Variants in KIF16B observed in about 807,000 individuals in gnomAD.
KIF16B encodes the protein kinesin-like protein KIF16B.
In KIF16B, 98 loss-of-function variants were observed where a neutral mutation model predicts 156.3. The observed-to-expected ratio is 0.63, with a 90% confidence interval of 0.53 to 0.74. The LOEUF is 0.74. KIF16B is among the 30% of genes least tolerant of loss of function. The pLI is 0.00. For missense variants in KIF16B, 1,421 were observed against 1,606.5 expected (o/e 0.88, Z 1.97); for synonymous variants, 564 against 583.7 (o/e 0.97, Z 0.49).
At chr20:16,455,804 T>C (rs955955888) in intron 12 of KIF16B, among the ~76,000 whole-genome samples, 8 of 152,192 alleles carry the variant, frequency 5.3e-5, no homozygotes, top group African/African-American at 1.9e-4. Flanking sequence ...AACAAACCAC[T>C]GACCCTAAAT....
intron 4 of KIF16B, 25 bp from the exon 5 acceptor site, chr20:16,512,948 A>G: frequency 6.6e-7 from 1 of 1,507,862 alleles, no homozygotes; most frequent in Non-Finnish European, 9.2e-7. Context: ...CCAATGTCAC[A>G]GCTGTCACTC....
At chr20:16,491,223 G>GT (rs2068279971) in intron 12 of KIF16B, among the ~76,000 whole-genome samples, 1 of 152,138 alleles carries the variant, frequency 6.6e-6, no homozygotes, top group Non-Finnish European at 1.5e-5. Context: ...CAAAGCCCCG[G>GT]TGCACACACC....
chr20:16,389,206 C>T (rs1346434330), intron 17 of KIF16B, among the ~76,000 whole-genome samples: 1 of 152,162 alleles, frequency 6.6e-6, no homozygotes, highest in African/African-American at 2.4e-5. Flanking sequence ...GGGATTACTT[C>T]ATGGGCATGT....
chr20:16,450,502 A>T (rs1331564507), intron 12 of KIF16B, among the ~76,000 whole-genome samples: 2 of 152,210 alleles, frequency 1.3e-5, no homozygotes, highest in African/African-American at 4.8e-5. Context: ...GAGAACCCTG[A>T]GCACATTCAC....
At chr20:16,329,542 G>A (rs551977320) in intron 24 of KIF16B, among the ~76,000 whole-genome samples, 2 of 152,292 alleles carry the variant, frequency 1.3e-5, no homozygotes, top group South Asian at 4.1e-4. Flanking sequence ...ATACTTCATA[G>A]TTGCTTTCAA....
chr20:16,322,851 C>T (rs944231833), intron 24 of KIF16B, among the ~76,000 whole-genome samples: 1 of 151,978 alleles, frequency 6.6e-6, no homozygotes, highest in African/African-American at 2.4e-5. Flanking sequence ...TTTAGTTGAG[C>T]CAGACCCTGT....
chr20:16,556,848 T>C (rs1377933693), intron 1 of KIF16B, among the ~76,000 whole-genome samples: 1 of 152,152 alleles, frequency 6.6e-6, no homozygotes, highest in East Asian at 1.9e-4. Flanking sequence ...CTGTTATCTG[T>C]GGTTAGCTAC....
At chr20:16,520,128 T>C (rs1410182342) in intron 3 of KIF16B, among the ~76,000 whole-genome samples, 3 of 88,144 alleles carry the variant, frequency 3.4e-5, no homozygotes, top group Admixed American at 1.2e-4. Flanking sequence ...CTGCAGGAGT[T>C]TTTTTTTTTT....
chr20:16,488,305 G>A (rs1053991078), intron 12 of KIF16B, among the ~76,000 whole-genome samples: 6 of 152,350 alleles, frequency 3.9e-5, no homozygotes, highest in Non-Finnish European at 5.9e-5. Flanking sequence ...ATCTGTCAAA[G>A]GGCTGCCAGC....
rs768416598 is a variant in KIF16B at position 16,367,528 on chromosome 20, G to A, written c.3498+3058C>T. On this transcript the variant is annotated intron_variant, in intron 22 of 25. Coordinates refer to ENST00000354981, the MANE Select transcript of KIF16B (RefSeq NM_024704.5). ...AATGTGGGTGTTCAGAAGGACTAGC[G>A]ACTGGCACTGGTCATGGCCAGAGTC... is the stretch of plus-strand genomic sequence containing the variant. 1.4e-5 allele frequency: 23 copies of A among 1,612,870 alleles called. No individual in the cohort carries two copies. The highest frequency in any genetic ancestry group is 1.3e-4 in the East Asian group (6 of 44,876).
intron 15 of KIF16B, among the ~76,000 whole-genome samples, chr20:16,411,061 T>C (rs1376845826): frequency 6.6e-6 from 1 of 152,006 alleles, no homozygotes; most frequent in African/African-American, 2.4e-5. Flanking sequence ...TGCTGCTTCA[T>C]AGTAAGCAGA....
Position 16,573,412 on chromosome 20 carries a change from G to A in KIF16B, c.-137C>T. 1.0e-6 allele frequency: 1 copy of A among 966,508 alleles called. No individual in the cohort carries two copies. The highest frequency in any genetic ancestry group is 1.5e-6 in the Non-Finnish European group (1 of 649,872). 59.9% of individuals were successfully genotyped at this position (966,508 alleles called of 1,614,324 possible). ...CCCTCTGCTCCCGGCCGGACCTGGA[G>A]TTCCGCGGCAGCCCCACCTGCCAGG... On this transcript the variant is annotated 5_prime_UTR_variant, in exon 1 of 26. Coordinates refer to ENST00000354981, the MANE Select transcript of KIF16B (RefSeq NM_024704.5).
At chr20:16,469,482 A>G (rs115755285) in intron 12 of KIF16B, among the ~76,000 whole-genome samples, 3,351 of 152,032 alleles carry the variant, frequency 0.022, 121 homozygotes, top group African/African-American at 0.076. Context: ...ATAATGCAGT[A>G]AACACATCAA....
intron 24 of KIF16B, among the ~76,000 whole-genome samples, chr20:16,318,364 C>T (rs935440455): frequency 1.3e-5 from 2 of 152,064 alleles, no homozygotes; most frequent in East Asian, 1.9e-4. Context: ...CTAAATAGAG[C>T]CCAAAGAAGT....
At chr20:16,487,854 C>A (rs2068168224) in intron 12 of KIF16B, among the ~76,000 whole-genome samples, 1 of 152,218 alleles carries the variant, frequency 6.6e-6, no homozygotes, top group Non-Finnish European at 1.5e-5. Flanking sequence ...CCCATCATCA[C>A]ATGGATTCAA....
chr20:16,476,568 A>ATT, intron 12 of KIF16B, among the ~76,000 whole-genome samples: 1 of 152,300 alleles, frequency 6.6e-6, no homozygotes, highest in East Asian at 1.9e-4. Flanking sequence ...AAAATCTCTA[A>ATT]AGGAGAACAA....
Position 16,437,989 on chromosome 20 carries a change from T to TA in KIF16B, c.1303-8008dup, listed in dbSNP as rs34636449. Among the ~76,000 whole-genome samples the TA allele has an allele frequency of 3.7e-3, 369 of 98,984 alleles. 1 individual carries two copies. Among genetic ancestry groups the TA allele is most frequent in the South Asian group, 6.1e-3 (15 of 2,476 alleles). 64.9% of individuals were successfully genotyped at this position (98,984 alleles called of 152,430 possible). On this transcript the variant is annotated intron_variant, in intron 12 of 25. Coordinates refer to ENST00000354981, the MANE Select transcript of KIF16B (RefSeq NM_024704.5). ...CTCTACTAAAAATAAAAAAAAATAA[T>TA]AAAAAAAAAAAAACAGGTGTGGTGG...
chr20:16,360,060 A>G (rs1431697501), intron 22 of KIF16B, among the ~76,000 whole-genome samples: 2 of 152,196 alleles, frequency 1.3e-5, no homozygotes, highest in African/African-American at 4.8e-5. Context: ...CAACTAAAAT[A>G]TAAGGTAGGG....
At chr20:16,420,495 C>T (rs1433488785) in intron 15 of KIF16B, among the ~76,000 whole-genome samples, 1 of 151,872 alleles carries the variant, frequency 6.6e-6, no homozygotes, top group South Asian at 2.1e-4. Context: ...CATCTGAATA[C>T]CAAATATCAG....
Sources: gnomAD v4.1 joint callset for allele counts (sites outside exome capture counted in the v4.1 genomes callset) on GRCh38, gnomAD v4.1.1 for gene constraint, MANE v1.5 for transcripts, NCBI Gene and HGNC (gene_info 2026-07-23, HGNC 2026-07-21) for gene names.